The following DDR2 variants were observed in gnomAD, a reference collection of about 807,000 sequenced individuals.
The protein encoded by DDR2 is discoidin domain-containing receptor 2.
In DDR2, 27 loss-of-function variants were observed where a neutral mutation model predicts 94.9. The ratio of observed to expected loss-of-function variants is 0.28; its 90% CI spans 0.21 to 0.39. The LOEUF is 0.39. Among genes scored for constraint, DDR2 ranks in the 10% least tolerant of loss-of-function variants. DDR2 has a pLI of 1.00. For synonymous variants in DDR2, 382 were observed against 377.2 expected (o/e 1.01, Z -0.15); for missense variants, 783 against 1,076.0 (o/e 0.73, Z 3.81).
At chr1:162,741,192 C>CAATACAAT (rs1558057278) in intron 3 of DDR2, among the ~76,000 whole-genome samples, 1 of 34,750 alleles carries the variant, frequency 2.9e-5, no homozygotes, top group African/African-American at 6.8e-5. Flanking sequence ...TATAACATAA[C>CAATACAAT]ATAATACAAT....
intron 10 of DDR2, among the ~76,000 whole-genome samples, chr1:162,766,712 T>C (rs974263094): frequency 9.3e-5 from 14 of 151,136 alleles, no homozygotes; most frequent in Non-Finnish European, 1.9e-4. Context: ...TACTGTCTTA[T>C]GGAAGAGGGA....
intron 9 of DDR2, 35 bp from the exon 10 acceptor site, chr1:162,765,966 C>G: frequency 6.2e-7 from 1 of 1,611,098 alleles, no homozygotes; most frequent in East Asian, 2.2e-5. Context: ...TGTCTGTCTT[C>G]TCCCTGGCTC....
chr1:162,698,334 A>G (rs1048906217), intron 2 of DDR2, among the ~76,000 whole-genome samples: 3 of 152,092 alleles, frequency 2.0e-5, no homozygotes, highest in African/African-American at 7.2e-5. Context: ...CTGTATGCAC[A>G]CTTGAGGCTG....
chr1:162,773,815 G>A (rs1333015680), intron 14 of DDR2, among the ~76,000 whole-genome samples: 1 of 152,110 alleles, frequency 6.6e-6, no homozygotes, highest in African/African-American at 2.4e-5. Context: ...CATTGTACTT[G>A]CCACATATTT....
In DDR2 at chr1:162,683,071, AG is replaced by A. The variant is rs1361793992; in HGVS notation, c.-28+27698del. 2.0e-5 allele frequency among the ~76,000 whole-genome samples: 3 copies of A among 152,324 alleles called. No individual in the cohort carries two copies. The East Asian group carries it at 5.8e-4, about 29-fold the overall frequency. ...AAATTAGATTTATTCTAAGTATGCA[AG>A]ACTGGTTCAATATTTTAAAATCATG... On this transcript the variant is annotated intron_variant, in intron 2 of 17. Coordinates refer to ENST00000367921, the MANE Select transcript of DDR2 (RefSeq NM_006182.4).
At chr1:162,761,497 TGAA>T (rs1663744676) in intron 9 of DDR2, 43 bp downstream of exon 9, 1 of 1,613,852 alleles carries the variant, frequency 6.2e-7, no homozygotes, top group Non-Finnish European at 8.5e-7. Flanking sequence ...AGCAAGGTGA[TGAA>T]GGAGGAATGC....
chr1:162,704,071 G>A (rs1335840879), intron 2 of DDR2, among the ~76,000 whole-genome samples: 1 of 152,174 alleles, frequency 6.6e-6, no homozygotes, highest in Non-Finnish European at 1.5e-5. Context: ...TTATTGAGAA[G>A]CCTTATCCTG....
chr1:162,670,266 A>G (rs914763217), intron 2 of DDR2, among the ~76,000 whole-genome samples: 8 of 152,090 alleles, frequency 5.3e-5, no homozygotes, highest in African/African-American at 1.9e-4. Context: ...ATGCGCCACC[A>G]TGCCTGGCTA....
At chr1:162,770,685 G>A in intron 12 of DDR2, 173 bp downstream of exon 12, 2 of 748,434 alleles carry the variant, frequency 2.7e-6, no homozygotes, top group Non-Finnish European at 4.8e-6. Flanking sequence ...CCTAATTTGA[G>A]CAACTCTCCT....
At chr1:162,739,323 C>CT (rs978331906) in intron 3 of DDR2, among the ~76,000 whole-genome samples, 24 of 151,394 alleles carry the variant, frequency 1.6e-4, no homozygotes, top group Non-Finnish European at 2.2e-4. Context: ...CTTCTCGTTT[C>CT]TTTTTTTTTG....
At chr1:162,741,696 G>A in intron 3 of DDR2, 1 of 985,418 alleles carries the variant, frequency 1.0e-6, no homozygotes, top group Non-Finnish European at 1.2e-6. Context: ...CATACACACA[G>A]GTGACAGTCA....
At chr1:162,745,211 G>A (rs1662791666) in intron 3 of DDR2, among the ~76,000 whole-genome samples, 1 of 152,110 alleles carries the variant, frequency 6.6e-6, no homozygotes, top group Non-Finnish European at 1.5e-5. Flanking sequence ...AGTTGTATGA[G>A]TTCCCTATAT....
At position 162,699,546 on chromosome 1, in the gene DDR2, C is replaced by G. The variant is rs532114262; in HGVS notation, c.-27-19491C>G. Among the ~76,000 whole-genome samples, 254 of 152,206 alleles carry G rather than the reference C, an allele frequency of 1.7e-3. 1 individual carries two copies. Among genetic ancestry groups the G allele is most frequent in the Middle Eastern group, 6.8e-3 (2 of 294 alleles). On this transcript the variant is annotated intron_variant, in intron 2 of 17. Coordinates refer to ENST00000367921, the MANE Select transcript of DDR2 (RefSeq NM_006182.4). ...TATGGAGTGTTGTTGGAGGACAGCT[C>G]GAGGCTAAATGTGGTTGTGCAATAT...
chr1:162,750,096 C>A (rs1307021431), intron 3 of DDR2, among the ~76,000 whole-genome samples: 3 of 152,194 alleles, frequency 2.0e-5, no homozygotes, highest in Non-Finnish European at 4.4e-5. Flanking sequence ...GACAGGGATG[C>A]CCTCTCTCAC....
At chr1:162,637,963 A>T (rs990961732) in intron 1 of DDR2, among the ~76,000 whole-genome samples, 1 of 152,196 alleles carries the variant, frequency 6.6e-6, no homozygotes, top group Admixed American at 6.5e-5. Context: ...TGAGGCATAA[A>T]GCCATTAACA....
chr1:162,734,696 G>A (rs1662213050), intron 3 of DDR2, among the ~76,000 whole-genome samples: 1 of 152,120 alleles, frequency 6.6e-6, no homozygotes, highest in South Asian at 2.1e-4. Flanking sequence ...GAGACCTTGA[G>A]GCTGGAAGAT....
chr1:162,764,820 C>G (rs57968300), intron 9 of DDR2, among the ~76,000 whole-genome samples: 1 of 147,742 alleles, frequency 6.8e-6, no homozygotes, highest in East Asian at 2.0e-4. Context: ...GAGTGAGACC[C>G]TGTTTAAAAA....
chr1:162,635,005 C>T (rs1557995457), intron 1 of DDR2, among the ~76,000 whole-genome samples: 1 of 152,152 alleles, frequency 6.6e-6, no homozygotes, highest in Non-Finnish European at 1.5e-5. Flanking sequence ...AGTGGGGAGG[C>T]CTCAGCCTCT....
At chr1:162,680,005 G>A (rs1478475809) in intron 2 of DDR2, among the ~76,000 whole-genome samples, 1 of 151,914 alleles carries the variant, frequency 6.6e-6, no homozygotes, top group Non-Finnish European at 1.5e-5. Flanking sequence ...TTGTAAATTT[G>A]TTCAAGTTCC....
Sources: allele counts gnomAD v4.1 joint callset (sites outside exome capture counted in the v4.1 genomes callset), GRCh38; gene constraint gnomAD v4.1.1; transcripts MANE v1.5; gene names NCBI Gene and HGNC (gene_info 2026-07-23, HGNC 2026-07-21).